LRFN5: variants seen among roughly 807,000 people sequenced by gnomAD.
The protein encoded by LRFN5 is leucine-rich repeat and fibronectin type-III domain-containing protein 5.
Under a neutral mutation model 45.6 loss-of-function variants are expected in LRFN5, and 24 were observed. The observed-to-expected ratio is 0.53, with a 90% CI of 0.38 to 0.74. The LOEUF is 0.74. Ranked by LOEUF, LRFN5 falls within the 30% of genes least tolerant of loss-of-function variation. The pLI, the probability that LRFN5 is intolerant of heterozygous loss-of-function variation, is 0.00. For synonymous variants in LRFN5, 340 were observed against 313.8 expected, an observed-to-expected ratio of 1.08 and a Z score of -0.88; for missense variants, 776 against 861.5, an observed-to-expected ratio of 0.90 and a Z score of 1.24.
At chr14:41,700,831 G>T (rs1388425508) in intron 1 of LRFN5, 1 of 152,086 alleles carries the variant, frequency 6.6e-6, no homozygotes, top group Non-Finnish European at 1.5e-5. Flanking sequence ...CTTAGATAAT[G>T]GTTGGGACTA....
chr14:41,691,218 A>T (rs1882366528), intron 1 of LRFN5, among the ~76,000 whole-genome samples: 1 of 152,036 alleles, frequency 6.6e-6, no homozygotes, highest in African/African-American at 2.4e-5. Flanking sequence ...GATTTTTAAA[A>T]ATCATTTTTC....
intron 1 of LRFN5, among the ~76,000 whole-genome samples, chr14:41,766,173 T>C (rs954172787): frequency 6.6e-6 from 1 of 152,204 alleles, no homozygotes; most frequent in African/African-American, 2.4e-5. Flanking sequence ...ATATCAGTGA[T>C]TGAATATCAA....
At position 41,891,928 on chromosome 14, in the gene LRFN5, G is replaced by A. The variant is rs781048898; in HGVS notation, c.2064G>A (p.Glu688=). The A allele has an allele frequency of 6.2e-7, 1 of 1,613,990 alleles. No homozygotes were observed. The highest frequency in any genetic ancestry group is 8.5e-7 in the Non-Finnish European group (1 of 1,180,020). Residue 688 remains glutamate, a synonymous_variant, in exon 4 of 6, where the codon GAG becomes GAA. Coordinates refer to ENST00000298119, the MANE Select transcript of LRFN5 (RefSeq NM_152447.5). ...GCCGTCCTCCCGATTCTGTCACAGA[G>A]GGGCCCACGTCTAAAAGAGCACATA... ...LASRPPDSVT[E]GPTSKRAHIK...
chr14:41,695,049 C>T (rs1882545901), intron 1 of LRFN5, among the ~76,000 whole-genome samples: 1 of 151,958 alleles, frequency 6.6e-6, no homozygotes, highest in Non-Finnish European at 1.5e-5. Flanking sequence ...AAGTGCTACT[C>T]TTTTGAACAC....
chr14:41,775,073 TGATGCTAC>T lies in LRFN5; in HGVS notation c.-21+8045_-21+8052del, dbSNP rs1221853894. Among the ~76,000 whole-genome samples the T allele has an allele frequency of 1.3e-4, 18 of 141,758 alleles. No homozygotes were observed. The East Asian group carries it at 3.9e-3, about 31-fold the overall frequency. 93.0% of individuals were successfully genotyped at this position (141,758 alleles called of 152,430 possible). A position where few individuals can be genotyped will look rare whatever the true frequency, so the allele number is the denominator to read the frequency against. ...GATTTGACAATTGAGGTGAAAGATTTGATGCTACTTTTTCTTTTTCTTTTTTTTTTTTT... is the reference window on the plus strand; with the variant it reads ...GATTTGACAATTGAGGTGAAAGATTTTTTTTCTTTTTCTTTTTTTTTTTTT... On this transcript the variant is annotated intron_variant, in intron 2 of 5. Coordinates refer to ENST00000298119, the MANE Select transcript of LRFN5 (RefSeq NM_152447.5).
intron 1 of LRFN5, among the ~76,000 whole-genome samples, chr14:41,644,641 C>T (rs1879729127): frequency 6.6e-6 from 1 of 151,672 alleles, no homozygotes. Flanking sequence ...TGAATTAAAC[C>T]CTGTGATAAA....
chr14:41,794,950 T>C (rs1457379565), intron 2 of LRFN5, among the ~76,000 whole-genome samples: 2 of 151,986 alleles, frequency 1.3e-5, no homozygotes, highest in East Asian at 1.9e-4. Flanking sequence ...TAGGTGTGTA[T>C]ATATACAAAT....
At position 41,843,175 on chromosome 14, in the gene LRFN5, T is replaced by A. The variant is rs1477963488; in HGVS notation, c.-20-43431T>A. On this transcript the variant is annotated intron_variant, in intron 2 of 5. Coordinates refer to ENST00000298119, the MANE Select transcript of LRFN5 (RefSeq NM_152447.5). The stretch of plus-strand genomic sequence containing the variant: ...ATGACAGCTCACTGCAACCTTGAAT[T>A]ACTGGGCTCAAGTGATCCTCCCATC... Among the ~76,000 whole-genome samples, 4 of 151,666 alleles carry A rather than the reference T, an allele frequency of 2.6e-5. No individual in the cohort carries two copies. The East Asian group carries it at 5.8e-4, about 22-fold the overall frequency.
At chr14:41,752,013 T>G (rs1885155500) in intron 1 of LRFN5, among the ~76,000 whole-genome samples, 2 of 152,014 alleles carry the variant, frequency 1.3e-5, no homozygotes, top group Admixed American at 6.6e-5. Context: ...GAACATGCAG[T>G]GTTTGGTTTT....
intron 1 of LRFN5, among the ~76,000 whole-genome samples, chr14:41,655,979 T>C (rs1332551308): frequency 6.6e-6 from 1 of 152,068 alleles, no homozygotes; most frequent in Non-Finnish European, 1.5e-5. Flanking sequence ...TGCACTTTTA[T>C]ACTTTTATGT....
At chr14:41,889,548 A>G (rs901904833) in intron 3 of LRFN5, among the ~76,000 whole-genome samples, 10 of 152,290 alleles carry the variant, frequency 6.6e-5, no homozygotes, top group Middle Eastern at 3.4e-3. Flanking sequence ...TATATTTTAA[A>G]CATTAGCTCT....
At chr14:41,763,553 A>G (rs1039311541) in intron 1 of LRFN5, among the ~76,000 whole-genome samples, 1 of 152,162 alleles carries the variant, frequency 6.6e-6, no homozygotes, top group Admixed American at 6.5e-5. Flanking sequence ...AGTAATGCCC[A>G]TGTGTCGTGT....
chr14:41,643,837 C>T (rs1051566273), intron 1 of LRFN5, among the ~76,000 whole-genome samples: 3 of 152,100 alleles, frequency 2.0e-5, no homozygotes, highest in African/African-American at 7.2e-5. Context: ...CCATCTTTCC[C>T]TCTCTTCCTA....
intron 2 of LRFN5, among the ~76,000 whole-genome samples, chr14:41,862,861 C>CT (rs536861522): frequency 0.086 from 9,456 of 110,084 alleles, 1,136 homozygotes; most frequent in East Asian, 0.51. Context: ...TTAAGTCTCT[C>CT]TTTTTTTTTT....
chr14:41,735,838 G>A (rs895281156), intron 1 of LRFN5, among the ~76,000 whole-genome samples: 5 of 151,906 alleles, frequency 3.3e-5, no homozygotes, highest in African/African-American at 1.2e-4. Context: ...TCCCACTTAT[G>A]AGTGAGAACA....
At chr14:41,859,293 T>A (rs553739998) in intron 2 of LRFN5, among the ~76,000 whole-genome samples, 89 of 152,308 alleles carry the variant, frequency 5.8e-4, no homozygotes, top group African/African-American at 1.6e-3. Flanking sequence ...TAGAGAGCAA[T>A]TCTAAATGAT....
intron 2 of LRFN5, among the ~76,000 whole-genome samples, chr14:41,833,596 T>C (rs1001805854): frequency 1.3e-5 from 2 of 152,232 alleles, no homozygotes; most frequent in Admixed American, 1.3e-4. Context: ...ATGTCACTTT[T>C]ATGTGATGTT....
At chr14:41,630,563 A>C (rs1003110475) in intron 1 of LRFN5, among the ~76,000 whole-genome samples, 5 of 152,050 alleles carry the variant, frequency 3.3e-5, no homozygotes, top group African/African-American at 4.8e-5. Context: ...ATTACTATTT[A>C]TTTGTTGTCA....
chr14:41,781,903 C>T (rs1264715613), intron 2 of LRFN5, among the ~76,000 whole-genome samples: 1 of 151,984 alleles, frequency 6.6e-6, no homozygotes, highest in Non-Finnish European at 1.5e-5. Flanking sequence ...ATGGGAAGCC[C>T]AATGCAATTC....
Sources: gnomAD v4.1 joint callset for allele counts (sites outside exome capture counted in the v4.1 genomes callset) on GRCh38, gnomAD v4.1.1 for gene constraint, MANE v1.5 for transcripts, NCBI Gene and HGNC (gene_info 2026-07-23, HGNC 2026-07-21) for gene names.